The following PARD3 variants were observed in gnomAD, a reference collection of about 807,000 sequenced individuals.
The protein encoded by PARD3 is partitioning defective 3 homolog.
In PARD3, 75 loss-of-function variants were observed where a neutral mutation model predicts 155.4. The ratio of observed to expected loss-of-function variants is 0.48; its 90% CI spans 0.40 to 0.58. The LOEUF (loss-of-function observed/expected upper bound fraction) is 0.58, where lower values mean the gene tolerates loss of function less well. PARD3 is among the 20% of genes least tolerant of loss of function. The pLI, the probability that PARD3 is intolerant of heterozygous loss-of-function variation, is 0.00. For synonymous variants in PARD3, 576 were observed against 610.5 expected (o/e 0.94, Z 0.83); for missense variants, 1,642 against 1,721.7 (o/e 0.95, Z 0.82).
chr10:34,387,979 C>A (rs1380038781), intron 7 of PARD3, among the ~76,000 whole-genome samples: 1 of 151,944 alleles, frequency 6.6e-6, no homozygotes, highest in Non-Finnish European at 1.5e-5. Flanking sequence ...CGTATAGAAA[C>A]TATAATGGAA....
intron 1 of PARD3, among the ~76,000 whole-genome samples, chr10:34,803,945 C>G (rs1013172576): frequency 6.6e-6 from 1 of 152,068 alleles, no homozygotes; most frequent in Non-Finnish European, 1.5e-5. Flanking sequence ...CTCAACATGA[C>G]AACCGCTAAA....
At chr10:34,750,465 ACACACACACACAC>A (rs1835867619) in intron 1 of PARD3, among the ~76,000 whole-genome samples, 2 of 8,930 alleles carry the variant, frequency 2.2e-4, no homozygotes, top group African/African-American at 6.1e-4. Context: ...TCTTTCAAAC[ACACACACACACAC>A]ACACACACAC....
At chr10:34,343,060 C>T (rs1344184672) in intron 15 of PARD3, among the ~76,000 whole-genome samples, 3 of 152,034 alleles carry the variant, frequency 2.0e-5, no homozygotes, top group South Asian at 2.1e-4. Context: ...AGGATAGAAA[C>T]CTGTTCAGCA....
rs532514750 is a variant in PARD3, at chr10:34,601,430, G to A, written c.223-84271C>T. ...CACTCTACCTTGGATGACAAAGTGA[G>A]AACCCGTCGTTCATTCATTCATGAA... On this transcript the variant is annotated intron_variant, in intron 2 of 24. Transcript: ENST00000374788. 6.4e-4 allele frequency among the ~76,000 whole-genome samples: 98 copies of A among 152,218 alleles called. 1 individual carries two copies. The South Asian group carries it at 0.016, about 24-fold the overall frequency.
At chr10:34,189,939 T>G (rs1250720226) in intron 22 of PARD3, among the ~76,000 whole-genome samples, 1 of 152,218 alleles carries the variant, frequency 6.6e-6, no homozygotes, top group African/African-American at 2.4e-5. Flanking sequence ...ATGACTTTGA[T>G]GGTTGCATAA....
At chr10:34,718,595 G>C (rs1287756022) in intron 1 of PARD3, among the ~76,000 whole-genome samples, 1 of 151,950 alleles carries the variant, frequency 6.6e-6, no homozygotes, top group East Asian at 1.9e-4. Flanking sequence ...GGAGACCAAG[G>C]ATGCAGTGAG....
At chr10:34,543,225 C>T (rs1301963490) in intron 2 of PARD3, among the ~76,000 whole-genome samples, 1 of 151,896 alleles carries the variant, frequency 6.6e-6, no homozygotes, top group Non-Finnish European at 1.5e-5. Flanking sequence ...GAGCCATAAT[C>T]GTCCCACTGC....
chr10:34,662,160 A>G (rs891971535), intron 2 of PARD3, among the ~76,000 whole-genome samples: 3 of 152,130 alleles, frequency 2.0e-5, no homozygotes, highest in South Asian at 2.1e-4. Flanking sequence ...CCTTTCCCCA[A>G]CATCACCCAT....
At chr10:34,620,316 A>T (rs939806520) in intron 2 of PARD3, among the ~76,000 whole-genome samples, 1 of 152,178 alleles carries the variant, frequency 6.6e-6, no homozygotes, top group African/African-American at 2.4e-5. Flanking sequence ...GATCCCATTT[A>T]TAAGGTCCAA....
At chr10:34,703,434 T>C (rs2094314088) in intron 1 of PARD3, among the ~76,000 whole-genome samples, 1 of 145,438 alleles carries the variant, frequency 6.9e-6, no homozygotes, top group Non-Finnish European at 1.5e-5. Context: ...TTAAGAGAAG[T>C]TGAAAATATC....
chr10:34,234,809 A>G (rs1287869158), intron 22 of PARD3, among the ~76,000 whole-genome samples: 1 of 152,228 alleles, frequency 6.6e-6, no homozygotes, highest in Non-Finnish European at 1.5e-5. Context: ...GAGTAAATGG[A>G]TATCATTCTT....
At chr10:34,292,808 A>T (rs1460049343) in intron 20 of PARD3, among the ~76,000 whole-genome samples, 1 of 152,112 alleles carries the variant, frequency 6.6e-6, no homozygotes, top group Non-Finnish European at 1.5e-5. Flanking sequence ...TGAATAACAT[A>T]TCCCTTTCAG....
At chr10:34,366,589 C>T (rs1315142677) in intron 12 of PARD3, among the ~76,000 whole-genome samples, 2 of 151,924 alleles carry the variant, frequency 1.3e-5, no homozygotes, top group African/African-American at 2.4e-5. Flanking sequence ...TAGCGTCACG[C>T]AGAATAGAAA....
At chr10:34,485,737 T>A (rs995607969) in intron 3 of PARD3, among the ~76,000 whole-genome samples, 2 of 152,088 alleles carry the variant, frequency 1.3e-5, no homozygotes, top group African/African-American at 4.8e-5. Flanking sequence ...TGATTTTTAA[T>A]CAGACTTAAA....
At chr10:34,812,053 G>A (rs541491761) in intron 1 of PARD3, among the ~76,000 whole-genome samples, 1 of 152,236 alleles carries the variant, frequency 6.6e-6, no homozygotes, top group African/African-American at 2.4e-5. Context: ...CTAAGCATAA[G>A]CCTTCAAATA....
chr10:34,417,852 A>AAAAATTTT (rs1845820425), intron 5 of PARD3, among the ~76,000 whole-genome samples: 8 of 152,312 alleles, frequency 5.3e-5, no homozygotes, highest in Admixed American at 4.6e-4. Flanking sequence ...ATGACCAATG[A>AAAAATTTT]CCCATCCAGA....
intron 1 of PARD3, among the ~76,000 whole-genome samples, chr10:34,791,438 C>T (rs999836906): frequency 6.6e-6 from 1 of 152,190 alleles, no homozygotes; most frequent in Non-Finnish European, 1.5e-5. Flanking sequence ...CCCAGGAAGC[C>T]GGCTCGAAGC....
intron 1 of PARD3, among the ~76,000 whole-genome samples, chr10:34,812,922 A>G (rs1486595064): frequency 3.9e-5 from 6 of 152,134 alleles, no homozygotes; most frequent in Non-Finnish European, 7.3e-5. Flanking sequence ...CAGGTCCGTG[A>G]CCAAGGCCCT....
chr10:34,111,581 AGGTTAGTGTGAGGGT>A lies in PARD3; in HGVS notation c.3669-34_3669-20del. ...GCTTTGCCTAGAAAGCAAAACCCAAAGGTTAGTGTGAGGGTAGGAAGAAGGAGGGAGAGGGAGGAA... is the reference window on the plus strand; with the variant it reads ...GCTTTGCCTAGAAAGCAAAACCCAAAAGGAAGAAGGAGGGAGAGGGAGGAA... On this transcript the variant is annotated intron_variant, in intron 24 of 24. Transcript: ENST00000374788. 1.3e-6 allele frequency: 2 copies of A among 1,577,200 alleles called. No homozygotes were observed. The highest frequency in any genetic ancestry group is 1.7e-6 in the Non-Finnish European group (2 of 1,157,484).
Sources: allele counts gnomAD v4.1 joint callset (sites outside exome capture counted in the v4.1 genomes callset), GRCh38; gene constraint gnomAD v4.1.1; transcripts MANE v1.5; gene names NCBI Gene and HGNC (gene_info 2026-07-23, HGNC 2026-07-21).